Variants in TEX10 observed in about 807,000 individuals in gnomAD.
The protein encoded by TEX10 is testis expressed 10, also known as testis-expressed protein 10.
Under a neutral mutation model 104.4 loss-of-function variants are expected in TEX10, and 24 were observed. That is an observed-to-expected ratio of 0.23 (90% CI 0.17 to 0.32). The LOEUF (loss-of-function observed/expected upper bound fraction) is 0.32. Among genes scored for constraint, TEX10 ranks in the 10% least tolerant of loss-of-function variants. The pLI, the probability that TEX10 is intolerant of heterozygous loss-of-function variation, is 1.00. For synonymous variants in TEX10, 396 were observed against 393.4 expected, an observed-to-expected ratio of 1.01 and a Z score of -0.08; for missense variants, 921 against 1,083.9, an observed-to-expected ratio of 0.85 and a Z score of 2.11.
intron 1 of TEX10, chr9:100,352,435 C>T (rs944332093): frequency 1.3e-6 from 2 of 1,551,748 alleles, no homozygotes; most frequent in Non-Finnish European, 1.7e-6. Flanking sequence ...TTTTAGGAAA[C>T]CATCGTTCCT....
intron 5 of TEX10, among the ~76,000 whole-genome samples, chr9:100,335,396 T>C (rs1834981344): frequency 6.6e-6 from 1 of 151,968 alleles, no homozygotes; most frequent in African/African-American, 2.4e-5. Flanking sequence ...TAGAGATGGG[T>C]TTCACCGTGT....
chr9:100,346,637 T>G (rs2118934068), intron 3 of TEX10, 57 bp downstream of exon 3: 1 of 1,507,088 alleles, frequency 6.6e-7, no homozygotes, highest in Non-Finnish European at 9.0e-7. Context: ...CATCAATGGT[T>G]AGCAGTTATA....
At chr9:100,334,355 T>C (rs1340480046) in intron 5 of TEX10, among the ~76,000 whole-genome samples, 1 of 152,164 alleles carries the variant, frequency 6.6e-6, no homozygotes, top group Non-Finnish European at 1.5e-5. Flanking sequence ...AAAATATTAT[T>C]GTCAGTGTGC....
chr9:100,341,518 C>A (rs1253379705), intron 4 of TEX10, among the ~76,000 whole-genome samples: 1 of 151,902 alleles, frequency 6.6e-6, no homozygotes, highest in African/African-American at 2.4e-5. Flanking sequence ...CTGGCATCAT[C>A]CTTGACTCCT....
chr9:100,317,082 A>C (rs528703852), intron 11 of TEX10, among the ~76,000 whole-genome samples: 2 of 152,148 alleles, frequency 1.3e-5, no homozygotes, highest in Non-Finnish European at 2.9e-5. Context: ...TAATCTTTAG[A>C]TTAAATGAAA....
chr9:100,302,618 T>G (rs1265845857), intron 14 of TEX10, among the ~76,000 whole-genome samples: 1 of 152,132 alleles, frequency 6.6e-6, no homozygotes, highest in Non-Finnish European at 1.5e-5. Context: ...GCCATTCTAG[T>G]GTCTCATGAT....
intron 7 of TEX10, among the ~76,000 whole-genome samples, chr9:100,328,306 T>C (rs1323544672): frequency 1.3e-5 from 2 of 152,180 alleles, no homozygotes; most frequent in East Asian, 1.9e-4. Context: ...AGCTTCAAAC[T>C]TGTGCTATTT....
At chr9:100,348,731 T>C (rs1423790392) in intron 2 of TEX10, among the ~76,000 whole-genome samples, 1 of 152,030 alleles carries the variant, frequency 6.6e-6, no homozygotes, top group Non-Finnish European at 1.5e-5. Flanking sequence ...CTGGGCAACA[T>C]ATTGCAACCT....
At chr9:100,326,224 G>C in intron 9 of TEX10, 78 bp downstream of exon 9, 1 of 1,488,618 alleles carries the variant, frequency 6.7e-7, no homozygotes, top group Non-Finnish European at 9.1e-7. Context: ...ACTTCAAAAG[G>C]CTTCCGTAAT....
chr9:100,313,874 A>T (rs891684399), intron 11 of TEX10, among the ~76,000 whole-genome samples: 2 of 151,518 alleles, frequency 1.3e-5, no homozygotes, highest in African/African-American at 2.4e-5. Context: ...AGACACACAC[A>T]TAGGAACGTA....
intron 1 of TEX10, among the ~76,000 whole-genome samples, chr9:100,350,840 T>G (rs1835422407): frequency 1.3e-5 from 2 of 152,170 alleles, no homozygotes; most frequent in African/African-American, 4.8e-5. Flanking sequence ...TAGATCGCCA[T>G]GAGGTAGGAT....
intron 13 of TEX10, chr9:100,306,631 A>C (rs1834151605): frequency 6.6e-6 from 1 of 152,174 alleles, no homozygotes; most frequent in African/African-American, 2.4e-5. Context: ...CATTTTCATC[A>C]TTTTGTAATC....
intron 11 of TEX10, among the ~76,000 whole-genome samples, chr9:100,317,965 G>C (rs532029942): frequency 6.6e-6 from 1 of 151,918 alleles, no homozygotes; most frequent in Non-Finnish European, 1.5e-5. Context: ...CTATTAAGAA[G>C]ACAAAAAAAA....
chr9:100,317,932 T>C (rs894806504), intron 11 of TEX10, among the ~76,000 whole-genome samples: 1 of 151,940 alleles, frequency 6.6e-6, no homozygotes, highest in Non-Finnish European at 1.5e-5. Flanking sequence ...CAAAAAGATA[T>C]CATCTCATAC....
At chr9:100,327,660 A>T in intron 8 of TEX10, 127 bp downstream of exon 8, 1 of 568,120 alleles carries the variant, frequency 1.8e-6, no homozygotes, top group Non-Finnish European at 2.8e-6. Flanking sequence ...TGTTCTGGCA[A>T]TTTAACCATG....
At chr9:100,321,831 G>T in intron 9 of TEX10, 60 bp from the exon 10 acceptor site, 3 of 1,261,450 alleles carry the variant, frequency 2.4e-6, no homozygotes, top group Non-Finnish European at 3.5e-6. Flanking sequence ...ACTTGTCAAA[G>T]GTAGCACAGT....
At position 100,330,800 on chromosome 9, in the gene TEX10, C is replaced by T. The variant is rs536808092; in HGVS notation, c.1251-631G>A. ...GACTGTGGTATATTCAACAGCAGAG[C>T]TTATTTCTTTCATGTTTAGAAAAAC... is the stretch of plus-strand genomic sequence containing the variant. On this transcript the variant is annotated intron_variant, in intron 5 of 14. Coordinates refer to ENST00000374902, the MANE Select transcript of TEX10 (RefSeq NM_017746.4). 2.0e-5 allele frequency among the ~76,000 whole-genome samples: 3 copies of T among 152,290 alleles called. No individual in the cohort carries two copies. The East Asian group carries it at 5.8e-4, about 29-fold the overall frequency.
chr9:100,317,784 C>CA (rs1038950459), intron 11 of TEX10, among the ~76,000 whole-genome samples: 1 of 151,906 alleles, frequency 6.6e-6, no homozygotes, highest in Non-Finnish European at 1.5e-5. Context: ...CAAGCAACAA[C>CA]AAAAAATCAA....
intron 5 of TEX10, among the ~76,000 whole-genome samples, chr9:100,336,448 C>T (rs564242863): frequency 5.8e-4 from 88 of 152,264 alleles, no homozygotes; most frequent in Non-Finnish European, 1.1e-3. Context: ...GGAGCATGAA[C>T]CCTATTGTGA....
Sources: allele counts gnomAD v4.1 joint callset (sites outside exome capture counted in the v4.1 genomes callset), GRCh38; gene constraint gnomAD v4.1.1; transcripts MANE v1.5; gene names NCBI Gene and HGNC (gene_info 2026-07-23, HGNC 2026-07-21).